SNX8: variants seen among roughly 807,000 people sequenced by gnomAD.
SNX8 encodes sorting nexin 8, also known as sorting nexin-8.
SNX8 carries 25 observed loss-of-function variants against 51.6 expected under a neutral mutation model. The observed-to-expected ratio is 0.48, with a 90% CI of 0.35 to 0.68. SNX8 has a LOEUF of 0.68. Ranked by LOEUF, SNX8 falls within the 30% of genes least tolerant of loss-of-function variation. The pLI, the probability that SNX8 is intolerant of heterozygous loss-of-function variation, is 0.00. For synonymous variants in SNX8, 324 were observed against 277.0 expected (o/e 1.17, Z -1.68); for missense variants, 695 against 624.0 (o/e 1.11, Z -1.21).
chr7:2,327,483 C>G (rs1778643228), intron 1 of SNX8, among the ~76,000 whole-genome samples: 1 of 152,112 alleles, frequency 6.6e-6, no homozygotes, highest in Admixed American at 6.6e-5. Flanking sequence ...TCTCGGCTCA[C>G]TGCAAGCTCC....
intron 5 of SNX8, among the ~76,000 whole-genome samples, chr7:2,268,072 TCAGCCCCACCACC>T (rs1795523747): frequency 8.9e-6 from 1 of 112,740 alleles, no homozygotes; most frequent in African/African-American, 3.7e-5. Context: ...GATGGGGGGG[TCAGCCCCACCACC>T]TGGCCAGCCG....
intron 5 of SNX8, among the ~76,000 whole-genome samples, chr7:2,266,030 T>A (rs113070491): frequency 6.6e-6 from 1 of 152,276 alleles, no homozygotes; most frequent in South Asian, 2.1e-4. Context: ...AGTGGGAGAA[T>A]TGCTTGAACT....
At chr7:2,268,288 G>A (rs1480042075) in intron 5 of SNX8, among the ~76,000 whole-genome samples, 1 of 144,510 alleles carries the variant, frequency 6.9e-6, no homozygotes, top group African/African-American at 2.6e-5. Flanking sequence ...TGAGAAGTGA[G>A]GAGACCCTCT....
intron 1 of SNX8, among the ~76,000 whole-genome samples, chr7:2,353,445 G>T (rs957881789): frequency 6.6e-6 from 1 of 151,746 alleles, no homozygotes; most frequent in Non-Finnish European, 1.5e-5. Context: ...TACCTTTTTG[G>T]CATTTTATTT....
At position 2,264,377 on chromosome 7, in the gene SNX8, G is replaced by A. The variant is rs1446962991; in HGVS notation, c.703C>T (p.Leu235Phe). The change falls in exon 6 of 11, where the codon CTT becomes TTT. Residue 235 changes from leucine (L) to phenylalanine (F), a missense_variant. Leu to Phe is a conservative substitution (Grantham distance 22). Coordinates refer to ENST00000222990, the MANE Select transcript of SNX8 (RefSeq NM_013321.4). ...IRNIYNSFHK[L>F]RDRAERIASR... ...GCGATCCGCTCGGCCCTGTCGCGAAGCTTGTGAAAGCTATTGTAGATGTTC... is the reference window on the plus strand; with the variant it reads ...GCGATCCGCTCGGCCCTGTCGCGAAACTTGTGAAAGCTATTGTAGATGTTC... 6.2e-7 allele frequency: 1 copy of A among 1,612,872 alleles called. No individual in the cohort carries two copies. The highest frequency in any genetic ancestry group is 1.7e-5 in the Admixed American group (1 of 60,010).
chr7:2,314,850 G>C (rs892020885), upstream of SNX8, among the ~76,000 whole-genome samples: 1 of 151,878 alleles, frequency 6.6e-6, no homozygotes, highest in African/African-American at 2.4e-5. Flanking sequence ...CCACTCATTC[G>C]CTCACCCACG....
intron 7 of SNX8, 33 bp from the exon 8 acceptor site, chr7:2,257,836 C>T (rs1330974889): frequency 6.2e-7 from 1 of 1,601,192 alleles, no homozygotes; most frequent in Non-Finnish European, 8.6e-7. Flanking sequence ...CCCACGCGGA[C>T]GCACATAGGA....
chr7:2,327,492 C>CCA (rs1778643395), intron 1 of SNX8, among the ~76,000 whole-genome samples: 1 of 151,612 alleles, frequency 6.6e-6, no homozygotes. Context: ...ACTGCAAGCT[C>CCA]CGCATCTCTG....
At chr7:2,327,553 G>A (rs928787247) in intron 1 of SNX8, among the ~76,000 whole-genome samples, 5 of 152,106 alleles carry the variant, frequency 3.3e-5, no homozygotes, top group Admixed American at 1.3e-4. Flanking sequence ...GACTACATGT[G>A]CCCGCCACCA....
At chr7:2,300,589 T>G (rs1796368564) in intron 1 of SNX8, among the ~76,000 whole-genome samples, 1 of 151,966 alleles carries the variant, frequency 6.6e-6, no homozygotes, top group African/African-American at 2.4e-5. Flanking sequence ...ATTTTTTCAT[T>G]TTTTTGTAGA....
chr7:2,294,280 TAAGAAAAAA>T (rs1032021455), intron 1 of SNX8, among the ~76,000 whole-genome samples: 7 of 141,786 alleles, frequency 4.9e-5, no homozygotes, highest in African/African-American at 1.3e-4. Flanking sequence ...AATAAATAAA[TAAGAAAAAA>T]AAGAAAAAAA....
intron 1 of SNX8, among the ~76,000 whole-genome samples, chr7:2,281,444 A>C (rs1480149721): frequency 6.6e-6 from 1 of 152,008 alleles, no homozygotes; most frequent in South Asian, 2.1e-4. Flanking sequence ...AAAAAAAAAA[A>C]ACATCATTTC....
chr7:2,344,089 A>G (rs561081489), intron 1 of SNX8, among the ~76,000 whole-genome samples: 1 of 151,772 alleles, frequency 6.6e-6, no homozygotes, highest in Non-Finnish European at 1.5e-5. Context: ...CTGTAGTCCC[A>G]GCTATTTGGG....
chr7:2,321,393 G>A (rs376423574), intron 1 of SNX8, among the ~76,000 whole-genome samples: 3 of 151,688 alleles, frequency 2.0e-5, no homozygotes, highest in Middle Eastern at 3.2e-3. Flanking sequence ...CTATTCCTGC[G>A]TATTCAGGGA....
At chr7:2,262,895 G>A (rs1326216095) in intron 7 of SNX8, among the ~76,000 whole-genome samples, 3 of 152,142 alleles carry the variant, frequency 2.0e-5, no homozygotes, top group Non-Finnish European at 4.4e-5. Context: ...AGGCGGGCAG[G>A]TCACCTAAGG....
chr7:2,349,716 G>A (rs1239981118), intron 1 of SNX8, among the ~76,000 whole-genome samples: 1 of 151,970 alleles, frequency 6.6e-6, no homozygotes, highest in Non-Finnish European at 1.5e-5. Flanking sequence ...GATTACAGGC[G>A]TGAGCCACCG....
rs1157234405 is a variant in SNX8 at position 2,257,497 on chromosome 7, A to G, written c.1002T>C (p.His334=). 6.2e-7 allele frequency: 1 copy of G among 1,604,318 alleles called. No homozygotes were observed. The change falls in exon 9 of 11, where the codon CAT becomes CAC. Residue 334 remains histidine, a synonymous_variant. Transcript: ENST00000222990. ...LQSYKDLCER[H]EKGVLHKHQR... ...GGTGCTTGTGCAACACGCCCTTCTC[A>G]TGCCGCTCGCACAGGTCCTGCGGGG...
chr7:2,313,847 G>A (rs1304945666), intron 1 of SNX8, among the ~76,000 whole-genome samples: 1 of 152,258 alleles, frequency 6.6e-6, no homozygotes, highest in East Asian at 1.9e-4. Flanking sequence ...GAGGTCCCGA[G>A]AGGTGAAATT....
intron 1 of SNX8, among the ~76,000 whole-genome samples, chr7:2,337,539 A>G (rs577203184): frequency 9.2e-5 from 14 of 152,324 alleles, no homozygotes; most frequent in South Asian, 8.3e-4. Flanking sequence ...TCTCCAATGT[A>G]TTTGGAAATG....
Sources: allele counts gnomAD v4.1 joint callset (sites outside exome capture counted in the v4.1 genomes callset), GRCh38; gene constraint gnomAD v4.1.1; transcripts MANE v1.5; gene names NCBI Gene and HGNC (gene_info 2026-07-23, HGNC 2026-07-21).